The following MDH2 variants were observed in gnomAD, a reference collection of about 807,000 sequenced individuals.
MDH2 encodes malate dehydrogenase, mitochondrial.
A neutral mutation model predicts 33.6 loss-of-function variants in MDH2; 25 were observed. That is an observed-to-expected ratio of 0.74 (90% CI 0.54 to 1.04). MDH2 has a LOEUF of 1.04. Ranked by LOEUF, MDH2 falls within the 50% of genes least tolerant of loss-of-function variation. MDH2 has a pLI of 0.00. For missense variants in MDH2, 432 were observed against 445.0 expected (o/e 0.97, Z 0.26); for synonymous variants, 193 against 188.7 (o/e 1.02, Z -0.19).
At chr7:76,054,555 C>G in intron 1 of MDH2, 1 of 429,534 alleles carries the variant, frequency 2.3e-6, no homozygotes, top group Non-Finnish European at 4.2e-6. Flanking sequence ...GTCCAGCTGC[C>G]TGATGGAGTC....
At chr7:76,058,585 T>C (rs1227501488) in intron 4 of MDH2, among the ~76,000 whole-genome samples, 1 of 152,174 alleles carries the variant, frequency 6.6e-6, no homozygotes, top group Non-Finnish European at 1.5e-5. Flanking sequence ...CTAGGCACAG[T>C]AAGAGATTAA....
rs781887995 is a variant in MDH2 at position 76,058,063 on chromosome 7, C to T, written c.414C>T (p.Cys138=). ...CAQHCPEAMI[C]VIANPVNSTI... ...AGCACTGCCCGGAAGCCATGATCTG[C>T]GTCATTGCCAATCCGGTGAGTGTGG... The change falls in exon 4 of 9, where the codon TGC becomes TGT. Residue 138 remains cysteine (C), a synonymous_variant. Coordinates refer to ENST00000315758, the MANE Select transcript of MDH2 (RefSeq NM_005918.4). The T allele has an allele frequency of 1.1e-5, 18 of 1,613,018 alleles. No individual in the cohort carries two copies. The highest frequency in any genetic ancestry group is 6.6e-5 in the South Asian group (6 of 91,090).
chr7:76,056,423 G>GA (rs1554586289), intron 2 of MDH2, among the ~76,000 whole-genome samples: 3 of 152,190 alleles, frequency 2.0e-5, no homozygotes, highest in Non-Finnish European at 4.4e-5. Flanking sequence ...GTGTTTACAT[G>GA]AGTCTTAAGT....
At position 76,058,077 on chromosome 7, in the gene MDH2, C is replaced by A; in HGVS notation, c.428C>A (p.Pro143Gln). The change falls in exon 4 of 9, where the codon CCG becomes CAG. Residue 143 changes from proline to glutamine, a missense_variant and splice_region_variant. Pro to Gln is a moderately conservative substitution (Grantham distance 76). Coordinates refer to ENST00000315758, the MANE Select transcript of MDH2 (RefSeq NM_005918.4). ...PEAMICVIAN[P>Q]VNSTIPITAE... Reference sequence around the variant, plus strand: ...GCCATGATCTGCGTCATTGCCAATCCGGTGAGTGTGGCAGCACCCGGCTCT... The same window carrying A: ...GCCATGATCTGCGTCATTGCCAATCAGGTGAGTGTGGCAGCACCCGGCTCT... The A allele has an allele frequency of 6.2e-7, 1 of 1,611,970 alleles. No individual in the cohort carries two copies. The highest frequency in any genetic ancestry group is 8.5e-7 in the Non-Finnish European group (1 of 1,179,494).
At chr7:76,062,260 T>C (rs1797976178) in intron 5 of MDH2, among the ~76,000 whole-genome samples, 1 of 152,242 alleles carries the variant, frequency 6.6e-6, no homozygotes, top group African/African-American at 2.4e-5. Flanking sequence ...TCCCGTTTGC[T>C]GCAAAGTCGC....
At position 76,064,383 on chromosome 7, in the gene MDH2, C is replaced by A; in HGVS notation, c.678C>A (p.Leu226=). 1 of 1,613,662 alleles carries A rather than the reference C, an allele frequency of 6.2e-7. No homozygotes were observed. Residue 226 remains leucine, a synonymous_variant, in exon 7 of 9, where the codon CTC becomes CTA. Transcript: ENST00000315758. ...TTCCCCAGGACCAGCTGACAGCACT[C>A]ACTGGGCGGATCCAGGAGGCCGGCA... ...VDFPQDQLTA[L]TGRIQEAGTE...
chr7:76,048,949 A>AGGCCGGGCGCGGTGG, intron 1 of MDH2: 1 of 899,442 alleles, frequency 1.1e-6, no homozygotes, highest in Non-Finnish European at 1.3e-6. Flanking sequence ...TAAAAAACAG[A>AGGCCGGGCGCGGTGG]CGTCTGGGTT....
Position 76,064,824 on chromosome 7 carries a change from G to A in MDH2, c.756G>A (p.Ala252=), listed in dbSNP as rs201168852. ...TAGGCTCTGCCACCCTCTCCATGGC[G>A]TATGCCGGCGCCCGCTTTGTCTTCT... The part of the protein sequence containing the change: ...AGAGSATLSM[A]YAGARFVFSL... The change falls in exon 8 of 9, where the codon GCG becomes GCA. Residue 252 remains alanine (A), a synonymous_variant. Coordinates refer to ENST00000315758, the MANE Select transcript of MDH2 (RefSeq NM_005918.4). 242 of 1,614,044 alleles carry A rather than the reference G, an allele frequency of 1.5e-4. 3 individuals carry two copies. Among genetic ancestry groups the A allele is most frequent in the South Asian group, 1.0e-3 (93 of 91,074 alleles).
chr7:76,058,638 A>G (rs1167115345), intron 4 of MDH2, among the ~76,000 whole-genome samples: 5 of 152,380 alleles, frequency 3.3e-5, no homozygotes, highest in Non-Finnish European at 7.3e-5. Context: ...AGATACTATA[A>G]TAAAAGTTAT....
chr7:76,057,611 C>A, intron 3 of MDH2, 118 bp downstream of exon 3: 1 of 981,546 alleles, frequency 1.0e-6, no homozygotes, highest in South Asian at 1.6e-5. Flanking sequence ...ATGTCACCAG[C>A]TCCCCTTTCC....
chr7:76,067,220 C>A lies in MDH2; in HGVS notation c.*810C>A. ...ACTCCCTTTAGTATTGGGGGCAGTCCGTTCCCCAGACACTGTGGCCTCTGA... is the reference window on the plus strand; with the variant it reads ...ACTCCCTTTAGTATTGGGGGCAGTCAGTTCCCCAGACACTGTGGCCTCTGA... On this transcript the variant is annotated 3_prime_UTR_variant, in exon 9 of 9. Transcript: ENST00000315758. 1 of 152,320 alleles carries A rather than the reference C, an allele frequency of 6.6e-6. No homozygotes were observed. The allele number at this position is 152,320 out of a possible 1,614,324, so 9.4% of individuals were successfully genotyped here. A position where few individuals can be genotyped will look rare whatever the true frequency, so the allele number is the denominator to read the frequency against.
At chr7:76,064,655 A>C in intron 7 of MDH2, 147 bp from the exon 8 acceptor site, 1 of 984,882 alleles carries the variant, frequency 1.0e-6, no homozygotes, top group Non-Finnish European at 1.5e-6. Context: ...TACACCATTC[A>C]TGTATAAGTA....
Position 76,060,492 on chromosome 7 carries a change from G to A in MDH2, c.549G>A (p.Glu183=). ...DIVRANTFVA[E]LKGLDPARVN... ...TCAGAGCCAACACCTTTGTTGCAGA[G>A]CTGAAGGTAAGGGCGGCGTGGGTGT... Residue 183 remains glutamate (E), a synonymous_variant, in exon 5 of 9, where the codon GAG becomes GAA. Transcript: ENST00000315758. 6.2e-7 allele frequency: 1 copy of A among 1,614,144 alleles called. No individual in the cohort carries two copies. Among genetic ancestry groups the A allele is most frequent in the East Asian group, 2.2e-5 (1 of 44,884 alleles).
intron 4 of MDH2, 44 bp from the exon 5 acceptor site, chr7:76,060,329 C>G: frequency 2.5e-6 from 4 of 1,607,924 alleles, no homozygotes; most frequent in Non-Finnish European, 3.4e-6. Context: ...TGGCCCTGCT[C>G]TCGGAACCCA....
At position 76,054,928 on chromosome 7, in the gene MDH2, C is replaced by T; in HGVS notation, c.165C>T (p.Leu55=). The change falls in exon 2 of 9, where the codon CTC becomes CTT. Residue 55 remains leucine (L), a synonymous_variant. Transcript: ENST00000315758. The part of the protein sequence containing the change: ...KNSPLVSRLT[L]YDIAHTPGVA... Reference sequence around the variant, plus strand: ...GCCCCTTGGTGAGCCGCCTGACCCTCTATGATATCGCGCACACACCCGGAG... The same window carrying T: ...GCCCCTTGGTGAGCCGCCTGACCCTTTATGATATCGCGCACACACCCGGAG... The T allele has an allele frequency of 6.2e-7, 1 of 1,614,178 alleles. No individual in the cohort carries two copies. The highest frequency in any genetic ancestry group is 8.5e-7 in the Non-Finnish European group (1 of 1,180,028).
intron 4 of MDH2, among the ~76,000 whole-genome samples, 158 bp from the exon 5 acceptor site, chr7:76,060,215 G>A (rs1554586802): frequency 6.6e-6 from 1 of 152,220 alleles, no homozygotes; most frequent in East Asian, 1.9e-4. Context: ...CTGGCAGGTG[G>A]CTTGCCAGTA....
chr7:76,052,717 TTTA>T (rs564182174), intron 1 of MDH2, among the ~76,000 whole-genome samples: 110 of 151,650 alleles, frequency 7.3e-4, no homozygotes, highest in African/African-American at 2.5e-3. Context: ...GCTAATTTTT[TTTA>T]TTATTAGTAG....
intron 1 of MDH2, among the ~76,000 whole-genome samples, chr7:76,053,919 C>G (rs1415678844): frequency 1.3e-5 from 2 of 152,192 alleles, no homozygotes; most frequent in Non-Finnish European, 2.9e-5. Context: ...GTCACTTTCA[C>G]CCCATCACTT....
chr7:76,048,466 T>C, intron 1 of MDH2: 1 of 1,190,206 alleles, frequency 8.4e-7, no homozygotes, highest in Non-Finnish European at 1.1e-6. Flanking sequence ...TTGTCAGGGT[T>C]CCCCCAGGTC....
Sources: gnomAD v4.1 joint callset for allele counts (sites outside exome capture counted in the v4.1 genomes callset) on GRCh38, gnomAD v4.1.1 for gene constraint, MANE v1.5 for transcripts, NCBI Gene and HGNC (gene_info 2026-07-23, HGNC 2026-07-21) for gene names.